Variants in GRIN2B observed in about 807,000 individuals in gnomAD.
The protein encoded by GRIN2B is glutamate ionotropic receptor NMDA type subunit 2B.
Under a neutral mutation model 114.5 loss-of-function variants are expected in GRIN2B, and 5 were observed. The ratio of observed to expected loss-of-function variants is 0.04; its 90% CI spans 0.02 to 0.09. The LOEUF (loss-of-function observed/expected upper bound fraction) is 0.09, where lower values mean the gene tolerates loss of function less well. GRIN2B is among the 10% of genes least tolerant of loss of function. GRIN2B has a pLI of 1.00. For missense variants in GRIN2B, 1,108 were observed against 1,943.5 expected, an observed-to-expected ratio of 0.57 and a Z score of 8.08; for synonymous variants, 787 against 745.1, an observed-to-expected ratio of 1.06 and a Z score of -0.92.
rs376139943 is a variant in GRIN2B, at chr12:13,579,591, C to T, written c.2011-7627G>A. ...TTACTATCATCATCATTGTCATCAT[C>T]ATCTTCATCATCGCCATTGGAAGCA... On this transcript the variant is annotated intron_variant, in intron 10 of 13. Coordinates refer to ENST00000609686, the MANE Select transcript of GRIN2B (RefSeq NM_000834.5). Among the ~76,000 whole-genome samples the T allele has an allele frequency of 5.9e-5, 9 of 152,346 alleles. No homozygotes were observed. The East Asian group carries it at 1.7e-3, about 29-fold the overall frequency.
chr12:13,562,411 T>C lies in GRIN2B; in HGVS notation c.*372A>G. ...GCTACCTTTGTGCTCACATAGCCTC[T>C]TTTTGGTTCTCCCAGCTTCACTCAA... On this transcript the variant is annotated 3_prime_UTR_variant, in exon 14 of 14. Coordinates refer to ENST00000609686, the MANE Select transcript of GRIN2B (RefSeq NM_000834.5). The C allele has an allele frequency of 4.1e-6, 1 of 243,664 alleles. No homozygotes were observed. Among genetic ancestry groups the C allele is most frequent in the East Asian group, 9.2e-5 (1 of 10,892 alleles). The allele number at this position is 243,664 out of a possible 1,614,324, so 15.1% of individuals were successfully genotyped here.
intron 3 of GRIN2B, among the ~76,000 whole-genome samples, chr12:13,863,999 T>C (rs1188211128): frequency 6.6e-6 from 1 of 152,208 alleles, no homozygotes; most frequent in Non-Finnish European, 1.5e-5. Context: ...ACAATCATAT[T>C]TGAAAAAAAG....
rs1948371690 is a variant in GRIN2B, at chr12:13,548,318, T to C, written c.*14465A>G. The C allele has an allele frequency of 6.6e-6, 1 of 152,028 alleles. No individual in the cohort carries two copies. The highest frequency in any genetic ancestry group is 6.6e-5 in the Admixed American group (1 of 15,256). 9.4% of individuals were successfully genotyped at this position (152,028 alleles called of 1,614,324 possible). A position where few individuals can be genotyped will look rare whatever the true frequency, so the allele number is the denominator to read the frequency against. ...AGTCTTGTGCAGATATAGATTTTCT[T>C]TGTAAGACTTCCTCCATTGGCCGCT... On this transcript the variant is annotated 3_prime_UTR_variant, in exon 14 of 14. Coordinates refer to ENST00000609686, the MANE Select transcript of GRIN2B (RefSeq NM_000834.5).
chr12:13,649,597 G>C (rs1234215819), intron 5 of GRIN2B, among the ~76,000 whole-genome samples: 1 of 152,010 alleles, frequency 6.6e-6, no homozygotes, highest in Non-Finnish European at 1.5e-5. Flanking sequence ...AAGTTAACTT[G>C]ATAGAAACCA....
In GRIN2B at chr12:13,593,165, T is replaced by C. The variant is rs377506592; in HGVS notation, c.2010+15438A>G. Among the ~76,000 whole-genome samples, 50 of 152,302 alleles carry C rather than the reference T, an allele frequency of 3.3e-4. 1 individual carries two copies. The highest frequency in any genetic ancestry group is 1.1e-3 in the African/African-American group (44 of 41,568). ...CAGTGCTATCCCGATCAAGCTACCATTGACTTTCTTCACAGAATTGGAAAA... is the reference window on the plus strand; with the variant it reads ...CAGTGCTATCCCGATCAAGCTACCACTGACTTTCTTCACAGAATTGGAAAA... On this transcript the variant is annotated intron_variant, in intron 10 of 13. Transcript: ENST00000609686.
chr12:13,954,848 G>T (rs1213177874), intron 2 of GRIN2B, among the ~76,000 whole-genome samples: 3 of 75,938 alleles, frequency 4.0e-5, no homozygotes, highest in Non-Finnish European at 1.0e-4. Flanking sequence ...TCTTTGAAGG[G>T]ACAAAAAAAA....
chr12:13,607,360 ATATATAT>A (rs71067715), intron 10 of GRIN2B, among the ~76,000 whole-genome samples: 3,784 of 38,282 alleles, frequency 0.099, 172 homozygotes, highest in African/African-American at 0.12. Flanking sequence ...AAAATATATA[ATATATAT>A]TATATATTAT....
At chr12:13,769,864 C>A (rs1385532007) in intron 3 of GRIN2B, among the ~76,000 whole-genome samples, 1 of 152,214 alleles carries the variant, frequency 6.6e-6, no homozygotes, top group African/African-American at 2.4e-5. Flanking sequence ...CTCCACATGT[C>A]TGAAGCCAGT....
intron 4 of GRIN2B, among the ~76,000 whole-genome samples, chr12:13,698,240 G>A (rs1469217993): frequency 1.3e-5 from 2 of 152,196 alleles, no homozygotes; most frequent in Non-Finnish European, 2.9e-5. Context: ...CGCGGGGAGC[G>A]GAATGATTTT....
chr12:13,635,929 G>A (rs561897038), intron 5 of GRIN2B, among the ~76,000 whole-genome samples: 13 of 152,116 alleles, frequency 8.5e-5, no homozygotes, highest in Non-Finnish European at 1.9e-4. Flanking sequence ...TAGGTGCTGA[G>A]GACAGTGATG....
chr12:13,815,520 T>C (rs973400085), intron 3 of GRIN2B, among the ~76,000 whole-genome samples: 5 of 152,142 alleles, frequency 3.3e-5, no homozygotes, highest in African/African-American at 4.8e-5. Flanking sequence ...AATGGAATCA[T>C]TAGAGATGGG....
intron 5 of GRIN2B, among the ~76,000 whole-genome samples, chr12:13,651,455 G>A (rs2136516954): frequency 6.6e-6 from 1 of 152,198 alleles, no homozygotes; most frequent in African/African-American, 2.4e-5. Context: ...ATATCTCAGT[G>A]TAAACTTTGT....
intron 5 of GRIN2B, among the ~76,000 whole-genome samples, chr12:13,644,238 G>A (rs1360074521): frequency 2.0e-5 from 3 of 152,060 alleles, no homozygotes; most frequent in Admixed American, 2.0e-4. Flanking sequence ...GTGTTGACTG[G>A]CATGAAAAAA....
intron 4 of GRIN2B, chr12:13,683,507 C>T (rs1950149771): frequency 6.6e-6 from 1 of 152,342 alleles, no homozygotes; most frequent in Non-Finnish European, 1.5e-5. Flanking sequence ...TATTACCTAT[C>T]TCATAGGATT....
intron 3 of GRIN2B, among the ~76,000 whole-genome samples, chr12:13,766,977 C>G (rs1356780684): frequency 2.6e-5 from 4 of 152,172 alleles, no homozygotes; most frequent in Non-Finnish European, 5.9e-5. Context: ...CTAATGTTGG[C>G]CGGGCACGGT....
At chr12:13,945,390 T>C (rs1481594820) in intron 2 of GRIN2B, among the ~76,000 whole-genome samples, 1 of 152,154 alleles carries the variant, frequency 6.6e-6, no homozygotes, top group East Asian at 1.9e-4. Context: ...TCACTCCAGA[T>C]CCCTGTCACA....
chr12:13,836,780 TGAGGGC>T (rs1865275558), intron 3 of GRIN2B, among the ~76,000 whole-genome samples: 1 of 151,528 alleles, frequency 6.6e-6, no homozygotes, highest in African/African-American at 2.4e-5. Flanking sequence ...CTCCAGCAGG[TGAGGGC>T]CAAGCCAGAA....
intron 10 of GRIN2B, among the ~76,000 whole-genome samples, chr12:13,596,660 C>T (rs897922793): frequency 4.6e-5 from 7 of 152,176 alleles, no homozygotes; most frequent in Admixed American, 2.0e-4. Flanking sequence ...CAATAATATT[C>T]GATGTCTTTT....
chr12:13,811,567 G>A (rs1864731151), intron 3 of GRIN2B, among the ~76,000 whole-genome samples: 1 of 152,204 alleles, frequency 6.6e-6, no homozygotes, highest in Non-Finnish European at 1.5e-5. Flanking sequence ...GTGACACAGT[G>A]AGACCCTGTC....
Sources: allele counts gnomAD v4.1 joint callset (sites outside exome capture counted in the v4.1 genomes callset), GRCh38; gene constraint gnomAD v4.1.1; transcripts MANE v1.5; gene names NCBI Gene and HGNC (gene_info 2026-07-23, HGNC 2026-07-21).